CFAP58: variants seen among roughly 807,000 people sequenced by gnomAD.
CFAP58 encodes cilia and flagella associated protein 58.
A neutral mutation model predicts 119.5 loss-of-function variants in CFAP58; 88 were observed. That is an observed-to-expected ratio of 0.74 (90% CI 0.62 to 0.88). CFAP58 has a LOEUF of 0.88. Ranked by LOEUF, CFAP58 falls within the 40% of genes least tolerant of loss-of-function variation. CFAP58 has a pLI of 0.00. For missense variants in CFAP58, 990 were observed against 1,021.2 expected (o/e 0.97, Z 0.42); for synonymous variants, 365 against 366.3 (o/e 1.00, Z 0.04).
Position 104,415,381 on chromosome 10 carries a change from C to G in CFAP58, c.2256+8588C>G, listed in dbSNP as rs142829421. On this transcript the variant is annotated intron_variant, in intron 15 of 17. Coordinates refer to ENST00000369704, the MANE Select transcript of CFAP58 (RefSeq NM_001008723.2). ...TCCTCTGAGGAATCACACAGGAAAGCGGGTAAAATTGTCCATCAGAGGAAA... is the reference window on the plus strand; with the variant it reads ...TCCTCTGAGGAATCACACAGGAAAGGGGGTAAAATTGTCCATCAGAGGAAA... 2.6e-4 allele frequency among the ~76,000 whole-genome samples: 39 copies of G among 152,214 alleles called. 1 individual carries two copies. The East Asian group carries it at 7.1e-3, about 28-fold the overall frequency.
chr10:104,370,818 G>A (rs2014812500), intron 6 of CFAP58, 77 bp from the exon 7 acceptor site: 3 of 1,316,912 alleles, frequency 2.3e-6, no homozygotes, highest in East Asian at 2.4e-5. Flanking sequence ...CCTTTTATTG[G>A]TTCTGAGTTT....
intron 15 of CFAP58, among the ~76,000 whole-genome samples, chr10:104,438,341 G>GTTTTTTGTTTTTT (rs770308999): frequency 5.9e-5 from 6 of 101,308 alleles, no homozygotes; most frequent in African/African-American, 2.7e-4. Flanking sequence ...TTTGTTTTTT[G>GTTTTTTGTTTTTT]TTTTTTGTTT....
rs546382533 is a variant in CFAP58, at chr10:104,415,661, C to T, written c.2256+8868C>T. On this transcript the variant is annotated intron_variant, in intron 15 of 17. Coordinates refer to ENST00000369704, the MANE Select transcript of CFAP58 (RefSeq NM_001008723.2). ...GAGGAGGCTCAGGGCACCAAAAATA[C>T]CTGTTACGTGAGATCAGGTCTCCTG... Among the ~76,000 whole-genome samples, 4 of 152,248 alleles carry T rather than the reference C, an allele frequency of 2.6e-5. No individual in the cohort carries two copies. The South Asian group carries it at 8.3e-4, about 32-fold the overall frequency.
intron 15 of CFAP58, among the ~76,000 whole-genome samples, chr10:104,425,504 C>T (rs1313742633): frequency 6.6e-6 from 1 of 152,228 alleles, no homozygotes; most frequent in African/African-American, 2.4e-5. Context: ...CCCATAGCCG[C>T]AGCTAACAGG....
At chr10:104,370,579 C>T (rs1396444599) in intron 6 of CFAP58, among the ~76,000 whole-genome samples, 1 of 152,300 alleles carries the variant, frequency 6.6e-6, no homozygotes, top group East Asian at 1.9e-4. Flanking sequence ...GTTCCTCCCA[C>T]AACACGTGGG....
At chr10:104,423,090 GT>G (rs1324721871) in intron 15 of CFAP58, among the ~76,000 whole-genome samples, 1 of 152,076 alleles carries the variant, frequency 6.6e-6, no homozygotes, top group Non-Finnish European at 1.5e-5. Context: ...TTGCTGACAT[GT>G]TTTTCTTTCG....
chr10:104,438,342 TTTTTTGTTTTTTTTTTTTG>T (rs1469296378), intron 15 of CFAP58, among the ~76,000 whole-genome samples: 11 of 67,794 alleles, frequency 1.6e-4, no homozygotes, highest in Non-Finnish European at 2.8e-4. Context: ...TTGTTTTTTG[TTTTTTGTTTTTTTTTTTTG>T]TTTTTTTTTT....
the CFAP58 span, among the ~76,000 whole-genome samples, chr10:104,345,449 CT>C: frequency 9.8e-4 from 149 of 152,220 alleles, 5 homozygotes; most frequent in South Asian, 0.03. Context: ...GTACTGATAC[CT>C]TTCACCTTCC....
rs150050939 is a variant in CFAP58, at chr10:104,420,907, C to A, written c.2256+14114C>A. Among the ~76,000 whole-genome samples the A allele has an allele frequency of 7.6e-3, 1,157 of 152,084 alleles. 12 individuals carry two copies. Among genetic ancestry groups the A allele is most frequent in the African/African-American group, 0.027 (1,100 of 41,498 alleles). On this transcript the variant is annotated intron_variant, in intron 15 of 17. Coordinates refer to ENST00000369704, the MANE Select transcript of CFAP58 (RefSeq NM_001008723.2). ...AGCTGGGACTACAGTCTTGTGCCCC[C>A]ACACCCGGCTAATTTTTTTGTATTT...
intron 15 of CFAP58, among the ~76,000 whole-genome samples, chr10:104,413,756 G>A (rs981767750): frequency 6.9e-6 from 1 of 144,314 alleles, no homozygotes; most frequent in Non-Finnish European, 1.5e-5. Context: ...CATCAAGATG[G>A]CATTTCTAAT....
chr10:104,366,971 G>A (rs925655903), intron 5 of CFAP58, among the ~76,000 whole-genome samples: 3 of 152,020 alleles, frequency 2.0e-5, no homozygotes, highest in African/African-American at 7.2e-5. Flanking sequence ...GGGTTGAAGC[G>A]ATTCTCCTGC....
At chr10:104,415,444 CT>C (rs2012536159) in intron 15 of CFAP58, among the ~76,000 whole-genome samples, 2 of 152,312 alleles carry the variant, frequency 1.3e-5, no homozygotes, top group African/African-American at 4.8e-5. Flanking sequence ...CCATTCCCCA[CT>C]GGTTGATTGT....
the CFAP58 span, among the ~76,000 whole-genome samples, chr10:104,342,844 C>CAAAA: frequency 0.29 from 14,225 of 48,336 alleles, 2,100 homozygotes; most frequent in Non-Finnish European, 0.36. Flanking sequence ...GACCCTGTAT[C>CAAAA]AAAAAAAAAA....
At chr10:104,369,306 A>C (rs1472844313) in intron 6 of CFAP58, among the ~76,000 whole-genome samples, 1 of 152,224 alleles carries the variant, frequency 6.6e-6, no homozygotes, top group African/African-American at 2.4e-5. Context: ...ATCTGATGGT[A>C]ATATACACAT....
At chr10:104,440,356 C>A (rs1029281902) in intron 15 of CFAP58, among the ~76,000 whole-genome samples, 3 of 151,902 alleles carry the variant, frequency 2.0e-5, no homozygotes, top group African/African-American at 7.2e-5. Flanking sequence ...TTTAAAAAAA[C>A]CACATGAATG....
chr10:104,428,723 A>G (rs1013782205), intron 15 of CFAP58, among the ~76,000 whole-genome samples: 3 of 152,162 alleles, frequency 2.0e-5, no homozygotes, highest in Non-Finnish European at 2.9e-5. Flanking sequence ...GTGTCTGCGT[A>G]TGTTGATTCA....
intron 15 of CFAP58, among the ~76,000 whole-genome samples, chr10:104,414,878 T>G (rs1296844737): frequency 3.3e-5 from 5 of 152,118 alleles, no homozygotes. Flanking sequence ...TTCACCGAAT[T>G]TTATTTTATA....
intron 9 of CFAP58, 117 bp from the exon 10 acceptor site, chr10:104,392,116 A>G (rs1170696806): frequency 2.4e-6 from 2 of 848,144 alleles, no homozygotes; most frequent in Non-Finnish European, 3.8e-6. Flanking sequence ...CCACTGTCAG[A>G]TTTTCTGATT....
At chr10:104,435,731 C>T (rs1007848534) in intron 15 of CFAP58, among the ~76,000 whole-genome samples, 2 of 152,194 alleles carry the variant, frequency 1.3e-5, no homozygotes, top group Non-Finnish European at 2.9e-5. Context: ...ACTGCTTTCA[C>T]TCTCAAGGAT....
Sources: gnomAD v4.1 joint callset for allele counts (sites outside exome capture counted in the v4.1 genomes callset) on GRCh38, gnomAD v4.1.1 for gene constraint, MANE v1.5 for transcripts, NCBI Gene and HGNC (gene_info 2026-07-23, HGNC 2026-07-21) for gene names.